The following ASB16 variants were observed in gnomAD, a reference collection of about 807,000 sequenced individuals.
ASB16 encodes ankyrin repeat and SOCS box protein 16.
A neutral mutation model predicts 39.1 loss-of-function variants in ASB16; 44 were observed. The observed-to-expected ratio is 1.13, with a 90% CI of 0.88 to 1.45. The LOEUF is 1.45. Among genes scored for constraint, ASB16 ranks in the 40% most tolerant of loss-of-function variants. ASB16 has a pLI of 0.00. For synonymous variants in ASB16, 305 were observed against 286.7 expected, an observed-to-expected ratio of 1.06 and a Z score of -0.64; for missense variants, 698 against 634.5, an observed-to-expected ratio of 1.10 and a Z score of -1.07.
intron 2 of ASB16, chr17:44,176,386 G>T: frequency 3.3e-6 from 1 of 305,520 alleles, no homozygotes; most frequent in Non-Finnish European, 6.1e-6. Context: ...GGAGACAACT[G>T]ACAACTGAAT....
chr17:44,178,002 T>C (rs2054324965), intron 4 of ASB16, among the ~76,000 whole-genome samples: 1 of 152,168 alleles, frequency 6.6e-6, no homozygotes, highest in Non-Finnish European at 1.5e-5. Flanking sequence ...GGGAGTGGTA[T>C]AGACATAGTG....
chr17:44,171,957 A>G, intron 1 of ASB16, 89 bp from the exon 2 acceptor site: 1 of 1,375,016 alleles, frequency 7.3e-7, no homozygotes, highest in Non-Finnish European at 1.0e-6. Context: ...AGGGAAGGCC[A>G]GTGTCAGCTG....
At chr17:44,176,447 T>G in intron 2 of ASB16, 1 of 511,950 alleles carries the variant, frequency 2.0e-6, no homozygotes, top group South Asian at 2.1e-5. Context: ...TGGGAGGGAC[T>G]GTCTGAGGCA....
intron 2 of ASB16, among the ~76,000 whole-genome samples, chr17:44,173,472 T>C (rs986247514): frequency 5.9e-5 from 9 of 151,862 alleles, no homozygotes; most frequent in African/African-American, 1.9e-4. Flanking sequence ...GCAGGAGGAT[T>C]GCTTGAGTCC....
In ASB16 at chr17:44,170,995, A is replaced by G; in HGVS notation, c.206A>G (p.Asn69Ser). The change falls in exon 1 of 5, where the codon AAC becomes AGC. Residue 69 changes from asparagine (N) to serine (S), a missense_variant. Transcript: ENST00000293414. ...GTCCACCAAGCCCTCTTCTCCGGCA[A>G]CCTGCAGCAGGTCCAAGCCCTGTTC... Reference protein sequence around the residue: ...PAVHQALFSGNLQQVQALFQD... With the variant: ...PAVHQALFSGSLQQVQALFQD... 1 of 1,613,966 alleles carries G rather than the reference A, an allele frequency of 6.2e-7. No homozygotes were observed. The highest frequency in any genetic ancestry group is 8.5e-7 in the Non-Finnish European group (1 of 1,179,982).
At chr17:44,173,694 G>A (rs541184063) in intron 2 of ASB16, among the ~76,000 whole-genome samples, 8 of 152,218 alleles carry the variant, frequency 5.3e-5, no homozygotes, top group African/African-American at 1.4e-4. Context: ...GCATGGTGGT[G>A]TGCATTGTAG....
chr17:44,171,140 G>A (rs1214504229), intron 1 of ASB16, 50 bp downstream of exon 1: 1 of 1,554,730 alleles, frequency 6.4e-7, no homozygotes, highest in Admixed American at 1.8e-5. Context: ...GAAGGGGAGT[G>A]GGTGGGGAAG....
Position 44,177,114 on chromosome 17 carries a change from G to A in ASB16, c.946G>A (p.Ala316Thr), listed in dbSNP as rs940169845. The change falls in exon 3 of 5, where the codon GCG becomes ACG. Residue 316 changes from alanine (A) to threonine (T), a missense_variant. By Grantham distance (58) the Ala-to-Thr change is moderately conservative. Transcript: ENST00000293414. ...YGARAEVPNG[A>T]GHTPMDCALQ... ...GGCCCGCGCTGAGGTCCCCAATGGG[G>A]CGGGCCACACGCCCATGGACTGTGC... is the stretch of plus-strand genomic sequence containing the variant. 1.3e-6 allele frequency: 2 copies of A among 1,488,900 alleles called. No homozygotes were observed. Among genetic ancestry groups the A allele is most frequent in the South Asian group, 1.3e-5 (1 of 77,188 alleles). The allele number at this position is 1,488,900 out of a possible 1,614,324, so 92.2% of individuals were successfully genotyped here. A position where few individuals can be genotyped will look rare whatever the true frequency, so the allele number is the denominator to read the frequency against.
chr17:44,173,463 CAGG>C (rs750759864), intron 2 of ASB16, among the ~76,000 whole-genome samples: 9 of 151,718 alleles, frequency 5.9e-5, no homozygotes, highest in Non-Finnish European at 1.3e-4. Context: ...GAGGCGGAGG[CAGG>C]AGGATTGCTT....
Position 44,178,201 on chromosome 17 carries a change from C to G in ASB16, c.1177-4C>G, listed in dbSNP as rs566527607. 3 of 1,612,672 alleles carry G rather than the reference C, an allele frequency of 1.9e-6. No homozygotes were observed. In the East Asian group the frequency reaches 6.7e-5, roughly 36 times the overall value. On this transcript the variant is annotated splice_region_variant and splice_polypyrimidine_tract_variant and intron_variant, in intron 4 of 4. Transcript: ENST00000293414. ...CATCTGACCTTCTTTCACTCCTGGC[C>G]TAGGAGCACGAAGCCTTCTACAGCT... is the stretch of plus-strand genomic sequence containing the variant.
intron 2 of ASB16, chr17:44,176,473 G>A: frequency 1.7e-6 from 1 of 571,898 alleles, no homozygotes; most frequent in Non-Finnish European, 3.1e-6. Context: ...TACTATTTCT[G>A]GTGCAGCCAC....
chr17:44,177,847 C>A, intron 4 of ASB16, 125 bp downstream of exon 4: 2 of 1,401,100 alleles, frequency 1.4e-6, no homozygotes, highest in Non-Finnish European at 1.9e-6. Context: ...GAGTGGCACC[C>A]CTGGGTTTCA....
chr17:44,172,286 A>G lies in ASB16; in HGVS notation c.542A>G (p.His181Arg). The G allele has an allele frequency of 6.2e-7, 1 of 1,613,016 alleles. No homozygotes were observed. Among genetic ancestry groups the G allele is most frequent in the Non-Finnish European group, 8.5e-7 (1 of 1,179,956 alleles). The change falls in exon 2 of 5, where the codon CAC becomes CGC. Residue 181 changes from histidine to arginine, a missense_variant. By Grantham distance (29) the His-to-Arg change is conservative (BLOSUM62 0). Coordinates refer to ENST00000293414, the MANE Select transcript of ASB16 (RefSeq NM_080863.5). ...VLTEEGTTPL[H>R]LCTIPESLQC... ...ACTGAGGAGGGCACGACTCCTTTGCACCTCTGCACGATCCCCGAGTCCTTG... is the reference window on the plus strand; with the variant it reads ...ACTGAGGAGGGCACGACTCCTTTGCGCCTCTGCACGATCCCCGAGTCCTTG...
chr17:44,173,095 A>C (rs2054255885), intron 2 of ASB16, among the ~76,000 whole-genome samples: 2 of 145,488 alleles, frequency 1.4e-5, no homozygotes, highest in Admixed American at 1.4e-4. Context: ...AAAAAAAAAA[A>C]AAAAAAAAAA....
At chr17:44,171,567 A>C (rs911745513) in intron 1 of ASB16, among the ~76,000 whole-genome samples, 14 of 150,766 alleles carry the variant, frequency 9.3e-5, no homozygotes, top group Admixed American at 5.3e-4. Context: ...TGCCTAAAAA[A>C]AAAAAAAAAA....
chr17:44,176,530 G>A, intron 2 of ASB16: 1 of 757,676 alleles, frequency 1.3e-6, no homozygotes, highest in Non-Finnish European at 2.3e-6. Context: ...CTGGGCTTAA[G>A]TTTTTCATAT....
At chr17:44,177,753 G>A (rs1567732804) in intron 4 of ASB16, 31 bp downstream of exon 4, 1 of 1,606,652 alleles carries the variant, frequency 6.2e-7, no homozygotes, top group East Asian at 2.2e-5. Context: ...AGATGGGGAG[G>A]AGGGACGAGC....
chr17:44,177,042 T>G lies in ASB16; in HGVS notation c.874T>G (p.Cys292Gly). 1.3e-6 allele frequency: 2 copies of G among 1,488,042 alleles called. No homozygotes were observed. Among genetic ancestry groups the G allele is most frequent in the Non-Finnish European group, 1.8e-6 (2 of 1,131,638 alleles). The allele number at this position is 1,488,042 out of a possible 1,614,324, so 92.2% of individuals were successfully genotyped here. The change falls in exon 3 of 5, where the codon TGT becomes GGT. Residue 292 changes from cysteine to glycine, a missense_variant. Cys to Gly is a radical substitution (Grantham distance 159). Coordinates refer to ENST00000293414, the MANE Select transcript of ASB16 (RefSeq NM_080863.5). ...GCGCCACACGCCGCTGCACAACGCT[T>G]GTGCCAACGGCTGCGGGGGCCTGGC... ...RKRHTPLHNA[C>G]ANGCGGLAEL...
At position 44,177,094 on chromosome 17, in the gene ASB16, G is replaced by A. The variant is rs1189220302; in HGVS notation, c.926G>A (p.Arg309His). Residue 309 changes from arginine (R) to histidine (H), a missense_variant, in exon 3 of 5, where the codon CGC becomes CAC. Transcript: ENST00000293414. ...LAELLLRYGA[R>H]AEVPNGAGHT... is the part of the protein sequence containing the mutation. ...GAGCTGCTGCTGCGTTACGGGGCCCGCGCTGAGGTCCCCAATGGGGCGGGC... is the reference window on the plus strand; with the variant it reads ...GAGCTGCTGCTGCGTTACGGGGCCCACGCTGAGGTCCCCAATGGGGCGGGC... 2.7e-6 allele frequency: 4 copies of A among 1,481,136 alleles called. No homozygotes were observed. The highest frequency in any genetic ancestry group is 2.6e-5 in the East Asian group (1 of 37,836). The allele number at this position is 1,481,136 out of a possible 1,614,324, so 91.7% of individuals were successfully genotyped here. A position where few individuals can be genotyped will look rare whatever the true frequency, so the allele number is the denominator to read the frequency against.
Sources: allele counts gnomAD v4.1 joint callset (sites outside exome capture counted in the v4.1 genomes callset), GRCh38; gene constraint gnomAD v4.1.1; transcripts MANE v1.5; gene names NCBI Gene and HGNC (gene_info 2026-07-23, HGNC 2026-07-21).